The following UBA2 variants were observed in gnomAD, a reference collection of about 807,000 sequenced individuals.
UBA2 encodes the protein SUMO-activating enzyme subunit 2.
Under a neutral mutation model 77.2 loss-of-function variants are expected in UBA2, and 11 were observed. The ratio of observed to expected loss-of-function variants is 0.14; its 90% CI spans 0.09 to 0.24. The LOEUF (loss-of-function observed/expected upper bound fraction) is 0.24, where lower values mean the gene tolerates loss of function less well. Among genes scored for constraint, UBA2 ranks in the 10% least tolerant of loss-of-function variants. The pLI is 1.00. For missense variants in UBA2, 487 were observed against 781.7 expected, an observed-to-expected ratio of 0.62 and a Z score of 4.50; for synonymous variants, 278 against 276.7, an observed-to-expected ratio of 1.00 and a Z score of -0.05.
intron 12 of UBA2, among the ~76,000 whole-genome samples, chr19:34,457,195 T>C (rs933359050): frequency 7.8e-6 from 1 of 127,554 alleles, no homozygotes; most frequent in African/African-American, 3.2e-5. Context: ...TATATATATA[T>C]ATATATATAT....
intron 3 of UBA2, 150 bp from the exon 4 acceptor site, chr19:34,433,198 A>C: frequency 3.6e-6 from 2 of 553,564 alleles, no homozygotes; most frequent in Non-Finnish European, 3.2e-6. Flanking sequence ...TATGTTTGGA[A>C]AGAGTCAAAC....
At position 34,429,250 on chromosome 19, in the gene UBA2, G is replaced by C. The variant is rs569381283; in HGVS notation, c.138+680G>C. Reference sequence around the variant, plus strand: ...TACACTCGCTTGTTTCATTAAAGACGTTAGGACTGTGCCTTTTGCATTGGT... The same window carrying C: ...TACACTCGCTTGTTTCATTAAAGACCTTAGGACTGTGCCTTTTGCATTGGT... On this transcript the variant is annotated intron_variant, in intron 1 of 16. Transcript: ENST00000246548. 1.2e-5 allele frequency: 12 copies of C among 985,344 alleles called. No homozygotes were observed. The South Asian group carries it at 4.7e-4, about 39-fold the overall frequency. 61.0% of individuals were successfully genotyped at this position (985,344 alleles called of 1,614,324 possible). A position where few individuals can be genotyped will look rare whatever the true frequency, so the allele number is the denominator to read the frequency against.
intron 4 of UBA2, 103 bp downstream of exon 4, chr19:34,433,515 A>C (rs1472402682): frequency 1.2e-6 from 1 of 822,254 alleles, no homozygotes; most frequent in African/African-American, 1.7e-5. Flanking sequence ...TTTAGAACTT[A>C]AAAGACTTAA....
intron 2 of UBA2, among the ~76,000 whole-genome samples, 160 bp from the exon 3 acceptor site, chr19:34,431,701 T>C (rs2075257905): frequency 6.6e-6 from 1 of 152,176 alleles, no homozygotes; most frequent in South Asian, 2.1e-4. Flanking sequence ...TTTATAAGTG[T>C]AGCTTAACCC....
Position 34,452,002 on chromosome 19 carries a change from A to C in UBA2, c.893A>C (p.Asp298Ala). The change falls in exon 10 of 17, where the codon GAT becomes GCT. Residue 298 changes from aspartate to alanine, a missense_variant. Coordinates refer to ENST00000246548, the MANE Select transcript of UBA2 (RefSeq NM_005499.3). ...QSQGEETNASDQQNEPQLGLK... is the reference protein window; with the variant it reads ...QSQGEETNASAQQNEPQLGLK... Reference sequence around the variant, plus strand: ...TTAGGAGAAGAAACGAATGCATCAGATCAACAGAATGAACCCCAGTTAGGC... The same window carrying C: ...TTAGGAGAAGAAACGAATGCATCAGCTCAACAGAATGAACCCCAGTTAGGC... 6.3e-7 allele frequency: 1 copy of C among 1,589,124 alleles called. No homozygotes were observed.
intron 10 of UBA2, among the ~76,000 whole-genome samples, chr19:34,452,822 A>C (rs1306346154): frequency 1.3e-5 from 2 of 152,216 alleles, no homozygotes; most frequent in African/African-American, 4.8e-5. Flanking sequence ...ATTTGTGTGT[A>C]CATATTTTGA....
Position 34,466,963 on chromosome 19 carries a change from A to G in UBA2, c.1690A>G (p.Lys564Glu), listed in dbSNP as rs780215564. 1.4e-5 allele frequency: 23 copies of G among 1,614,052 alleles called. No individual in the cohort carries two copies. Among genetic ancestry groups the G allele is most frequent in the Non-Finnish European group, 1.8e-5 (21 of 1,180,032 alleles). ...GCCCAAACAAGCTGAAGATGCTGCC[A>G]AAAGCATAACCAATGGCAGTGATGA... ...VGPKQAEDAA[K>E]SITNGSDDGA... Residue 564 changes from lysine (K) to glutamate (E), a missense_variant, in exon 16 of 17, where the codon AAA becomes GAA. Transcript: ENST00000246548.
intron 15 of UBA2, among the ~76,000 whole-genome samples, chr19:34,464,332 C>T (rs1044741484): frequency 5.3e-5 from 8 of 152,112 alleles, no homozygotes; most frequent in East Asian, 3.9e-4. Flanking sequence ...CGGGGTGTGG[C>T]GGATCACCTG....
At chr19:34,465,665 C>T (rs2075680117) in intron 15 of UBA2, among the ~76,000 whole-genome samples, 1 of 149,822 alleles carries the variant, frequency 6.7e-6, no homozygotes, top group Admixed American at 6.7e-5. Context: ...ACAGGAAGGA[C>T]TGAATGTGAG....
At chr19:34,431,098 T>G (rs928164711) in intron 2 of UBA2, among the ~76,000 whole-genome samples, 12 of 152,148 alleles carry the variant, frequency 7.9e-5, no homozygotes, top group Admixed American at 2.0e-4. Flanking sequence ...TCTCCCAACC[T>G]GTTTGGCAAA....
Position 34,435,354 on chromosome 19 carries a change from C to T in UBA2, c.459+386C>T, listed in dbSNP as rs1171462135. On this transcript the variant is annotated intron_variant, in intron 5 of 16. Transcript: ENST00000246548. Reference sequence around the variant, plus strand: ...CAGAGGTTGCAGTAAGCTGAGATTGCACCACTGCCCTCCAGCCTGGGCTAC... The same window carrying T: ...CAGAGGTTGCAGTAAGCTGAGATTGTACCACTGCCCTCCAGCCTGGGCTAC... Among the ~76,000 whole-genome samples, 3 of 152,154 alleles carry T rather than the reference C, an allele frequency of 2.0e-5. 1 individual carries two copies. The highest frequency in any genetic ancestry group is 2.0e-4 in the Admixed American group (3 of 15,272).
At position 34,441,890 on chromosome 19, in the gene UBA2, C is replaced by T. The variant is rs2075373476; in HGVS notation, c.582-1954C>T. 4.1e-5 allele frequency among the ~76,000 whole-genome samples: 6 copies of T among 146,204 alleles called. No homozygotes were observed. In the South Asian group the frequency reaches 1.3e-3, roughly 32 times the overall value. ...GAATGGAGATCATGCTACTGCACTCCAACCTGGGGGACAGAGCGAGACTGT... is the reference window on the plus strand; with the variant it reads ...GAATGGAGATCATGCTACTGCACTCTAACCTGGGGGACAGAGCGAGACTGT... On this transcript the variant is annotated intron_variant, in intron 6 of 16. Transcript: ENST00000246548.
Position 34,457,176 on chromosome 19 carries a change from AAAAATATAT to A in UBA2, c.1246-1591_1246-1583del, listed in dbSNP as rs1464014378. Among the ~76,000 whole-genome samples the A allele has an allele frequency of 4.0e-5, 4 of 100,182 alleles. No individual in the cohort carries two copies. In the South Asian group the frequency reaches 1.1e-3, roughly 28 times the overall value. The allele number at this position is 100,182 out of a possible 152,430, so 65.7% of individuals were successfully genotyped here. A position where few individuals can be genotyped will look rare whatever the true frequency, so the allele number is the denominator to read the frequency against. Reference sequence around the variant, plus strand: ...AAACCTGGTCTCTACTAAAAAAAAAAAAAATATATATATATATATATATATATATATATA... The same window carrying A: ...AAACCTGGTCTCTACTAAAAAAAAAAATATATATATATATATATATATATA... On this transcript the variant is annotated intron_variant, in intron 12 of 16. Coordinates refer to ENST00000246548, the MANE Select transcript of UBA2 (RefSeq NM_005499.3).
chr19:34,432,297 A>T (rs2075264480), intron 3 of UBA2, among the ~76,000 whole-genome samples: 1 of 152,212 alleles, frequency 6.6e-6, no homozygotes, highest in African/African-American at 2.4e-5. Context: ...AATAATCTGT[A>T]GTATGACTCT....
At chr19:34,440,215 T>C (rs1176856942) in intron 6 of UBA2, among the ~76,000 whole-genome samples, 1 of 151,070 alleles carries the variant, frequency 6.6e-6, no homozygotes, top group Non-Finnish European at 1.5e-5. Context: ...TCCCAGCTAC[T>C]TGGGAGACTG....
Position 34,445,170 on chromosome 19 carries a change from A to G in UBA2, c.771+49A>G, listed in dbSNP as rs1283817695. 4.5e-6 allele frequency: 7 copies of G among 1,556,618 alleles called. No individual in the cohort carries two copies. In the African/African-American group the frequency reaches 9.6e-5, roughly 21 times the overall value. On this transcript the variant is annotated intron_variant, in intron 8 of 16. Transcript: ENST00000246548. ...CATGGATAGATGTATTGTTGTGCAT[A>G]GATGTATTGTTCTAGTTCTGCTTGT... is the stretch of plus-strand genomic sequence containing the variant.
intron 13 of UBA2, among the ~76,000 whole-genome samples, chr19:34,459,692 A>C (rs1176274059): frequency 1.3e-5 from 2 of 152,178 alleles, no homozygotes. Flanking sequence ...CTTTGGGATC[A>C]CTTCCTATTG....
intron 14 of UBA2, 103 bp downstream of exon 14, chr19:34,460,669 A>G: frequency 1.2e-6 from 1 of 803,482 alleles, no homozygotes; most frequent in African/African-American, 1.8e-5. Flanking sequence ...TATTGCAGAG[A>G]GTGGCAGTGT....
At chr19:34,454,577 T>G in intron 12 of UBA2, 21 bp downstream of exon 12, 1 of 1,236,944 alleles carries the variant, frequency 8.1e-7, no homozygotes, top group Non-Finnish European at 1.1e-6. Flanking sequence ...CTGTTTGCAT[T>G]TTTATGCAAC....
Sources: gnomAD v4.1 joint callset for allele counts (sites outside exome capture counted in the v4.1 genomes callset) on GRCh38, gnomAD v4.1.1 for gene constraint, MANE v1.5 for transcripts, NCBI Gene and HGNC (gene_info 2026-07-23, HGNC 2026-07-21) for gene names.